The following PKHD1L1 variants were observed in gnomAD, a reference collection of about 807,000 sequenced individuals.
PKHD1L1 encodes PKHD1 like 1, also known as fibrocystin-L.
PKHD1L1 carries 434 observed loss-of-function variants against 462.9 expected under a neutral mutation model. The observed-to-expected ratio is 0.94, with a 90% confidence interval of 0.87 to 1.02. The LOEUF (loss-of-function observed/expected upper bound fraction) is 1.02. PKHD1L1 is among the 50% of genes least tolerant of loss of function. PKHD1L1 has a pLI of 0.00. For missense variants in PKHD1L1, 5,202 were observed against 5,096.1 expected, an observed-to-expected ratio of 1.02 and a Z score of -0.63; for synonymous variants, 1,781 against 1,750.0, an observed-to-expected ratio of 1.02 and a Z score of -0.44.
chr8:109,455,888 G>T (rs796481159), intron 45 of PKHD1L1, among the ~76,000 whole-genome samples: 6 of 152,010 alleles, frequency 3.9e-5, no homozygotes, highest in African/African-American at 1.4e-4. Context: ...ATCTACATTT[G>T]ACTCTAGATT....
At chr8:109,373,695 G>T (rs552736518) in intron 2 of PKHD1L1, among the ~76,000 whole-genome samples, 23 of 152,140 alleles carry the variant, frequency 1.5e-4, no homozygotes, top group Non-Finnish European at 2.9e-4. Context: ...AGAGATTCTG[G>T]TATGTTGTGT....
At chr8:109,429,319 A>C in intron 25 of PKHD1L1, 21 bp from the exon 26 acceptor site, 1 of 1,472,808 alleles carries the variant, frequency 6.8e-7, no homozygotes, top group South Asian at 1.2e-5. Context: ...TTTCTAGTAA[A>C]ATAATTGTGT....
chr8:109,383,383 TATTATATATTATATATTACGTATA>T (rs2130433248), intron 4 of PKHD1L1, among the ~76,000 whole-genome samples: 1 of 116,116 alleles, frequency 8.6e-6, no homozygotes, highest in Non-Finnish European at 1.6e-5. Flanking sequence ...ATAGTATGTA[TATTATATATTATATATTACGTATA>T]ATTATATATT....
intron 28 of PKHD1L1, among the ~76,000 whole-genome samples, chr8:109,434,262 G>A (rs568375903): frequency 6.6e-6 from 1 of 151,292 alleles, no homozygotes; most frequent in Non-Finnish European, 1.5e-5. Flanking sequence ...AAAAAAGAGA[G>A]AAAAATATCA....
intron 2 of PKHD1L1, among the ~76,000 whole-genome samples, chr8:109,375,618 C>G (rs1811775933): frequency 6.6e-6 from 1 of 152,094 alleles, no homozygotes; most frequent in African/African-American, 2.4e-5. Flanking sequence ...TGTTTTTTCC[C>G]CATCTTTGTG....
chr8:109,512,511 T>C (rs1202655772), intron 71 of PKHD1L1, among the ~76,000 whole-genome samples: 2 of 152,130 alleles, frequency 1.3e-5, no homozygotes, highest in East Asian at 3.9e-4. Context: ...GTTGTAGATA[T>C]GCGGCATTAT....
At chr8:109,450,295 A>C (rs751706783) in intron 40 of PKHD1L1, among the ~76,000 whole-genome samples, 2 of 152,220 alleles carry the variant, frequency 1.3e-5, no homozygotes, top group Non-Finnish European at 2.9e-5. Context: ...AATATTCTAT[A>C]AGAATAAAGG....
chr8:109,456,143 T>C (rs1816810225), intron 45 of PKHD1L1, 119 bp from the exon 46 acceptor site: 1 of 1,027,066 alleles, frequency 9.7e-7, no homozygotes, highest in South Asian at 1.9e-5. Context: ...TGTGAAATGC[T>C]AAGGTAAAAT....
At chr8:109,440,873 A>T (rs1206140431) in intron 33 of PKHD1L1, 21 bp downstream of exon 33, 1 of 1,605,894 alleles carries the variant, frequency 6.2e-7, no homozygotes, top group East Asian at 2.2e-5. Context: ...CATTCATAGG[A>T]AAGTGATTAT....
At chr8:109,462,934 C>T (rs188594385) in intron 48 of PKHD1L1, among the ~76,000 whole-genome samples, 3 of 152,168 alleles carry the variant, frequency 2.0e-5, no homozygotes, top group East Asian at 1.9e-4. Flanking sequence ...CAAGGGTTAT[C>T]GCTCCAGAGA....
At chr8:109,387,948 G>C (rs1347562318) in intron 6 of PKHD1L1, among the ~76,000 whole-genome samples, 1 of 152,106 alleles carries the variant, frequency 6.6e-6, no homozygotes, top group African/African-American at 2.4e-5. Flanking sequence ...AATCACCTGA[G>C]GAAATATGAA....
chr8:109,418,149 C>T (rs1394727837), intron 21 of PKHD1L1, among the ~76,000 whole-genome samples: 1 of 152,126 alleles, frequency 6.6e-6, no homozygotes, highest in Non-Finnish European at 1.5e-5. Flanking sequence ...AGGTCCTGTT[C>T]AGTATGCCAA....
chr8:109,394,877 A>G (rs962872998), intron 10 of PKHD1L1, among the ~76,000 whole-genome samples: 8 of 152,244 alleles, frequency 5.3e-5, no homozygotes, highest in Non-Finnish European at 8.8e-5. Context: ...TATTACATCG[A>G]AAATGCATTT....
At chr8:109,480,406 T>C (rs866533436) in intron 55 of PKHD1L1, 6 of 425,134 alleles carry the variant, frequency 1.4e-5, no homozygotes, top group Middle Eastern at 6.3e-4. Context: ...TCTATGTCAT[T>C]ATGAGGTCAG....
In PKHD1L1 at chr8:109,465,180, C is replaced by A. The variant is rs769110948; in HGVS notation, c.8348C>A (p.Pro2783Gln). The change falls in exon 49 of 78, where the codon CCG becomes CAG. Residue 2783 changes from proline (P) to glutamine (Q), a missense_variant. Transcript: ENST00000378402. ...KFVDVQYSHT[P>Q]NKAGFRWEHE... ...GTTGACGTCCAGTATTCTCACACAC[C>A]GAACAAGGCTGGCTTTCGCTGGGAA... 1 of 1,613,658 alleles carries A rather than the reference C, an allele frequency of 6.2e-7. No individual in the cohort carries two copies. Among genetic ancestry groups the A allele is most frequent in the Non-Finnish European group, 8.5e-7 (1 of 1,179,738 alleles).
intron 27 of PKHD1L1, among the ~76,000 whole-genome samples, chr8:109,432,261 T>C (rs1039526302): frequency 5.9e-5 from 9 of 152,156 alleles, no homozygotes; most frequent in African/African-American, 1.9e-4. Flanking sequence ...TACAAAAAGA[T>C]TTAAGTCATT....
chr8:109,467,314 G>T (rs554418589), intron 50 of PKHD1L1, among the ~76,000 whole-genome samples: 31 of 152,180 alleles, frequency 2.0e-4, no homozygotes, highest in Non-Finnish European at 3.8e-4. Context: ...ACTAAATGGG[G>T]ATGTGGTGAA....
At chr8:109,495,733 G>A (rs1008835819) in intron 63 of PKHD1L1, among the ~76,000 whole-genome samples, 2 of 152,096 alleles carry the variant, frequency 1.3e-5, no homozygotes, top group African/African-American at 4.8e-5. Flanking sequence ...AATGGACTAG[G>A]AAGAAGGGAA....
chr8:109,432,012 AGTT>A (rs1201184261), intron 27 of PKHD1L1, among the ~76,000 whole-genome samples: 2 of 152,166 alleles, frequency 1.3e-5, no homozygotes, highest in African/African-American at 4.8e-5. Context: ...GATGGGTGAA[AGTT>A]AACACTTTTT....
Sources: gnomAD v4.1 joint callset for allele counts (sites outside exome capture counted in the v4.1 genomes callset) on GRCh38, gnomAD v4.1.1 for gene constraint, MANE v1.5 for transcripts, NCBI Gene and HGNC (gene_info 2026-07-23, HGNC 2026-07-21) for gene names.